The following PPM1L variants were observed in gnomAD, a reference collection of about 807,000 sequenced individuals.
PPM1L encodes the protein protein phosphatase, Mg2+/Mn2+ dependent 1L.
PPM1L carries 13 observed loss-of-function variants against 31.4 expected under a neutral mutation model. The ratio of observed to expected loss-of-function variants is 0.41; its 90% CI spans 0.27 to 0.66. The LOEUF (loss-of-function observed/expected upper bound fraction) is 0.66, where lower values mean the gene tolerates loss of function less well. Among genes scored for constraint, PPM1L ranks in the 30% least tolerant of loss-of-function variants. The probability of loss-of-function intolerance (pLI) is 0.29; values close to 1 mark genes in which losing one functional copy is unlikely to be tolerated. For missense variants in PPM1L, 326 were observed against 453.7 expected (o/e 0.72, Z 2.56); for synonymous variants, 184 against 175.4 (o/e 1.05, Z -0.39).
At chr3:160,855,338 C>A (rs1179066721) in intron 1 of PPM1L, among the ~76,000 whole-genome samples, 1 of 152,026 alleles carries the variant, frequency 6.6e-6, no homozygotes, top group Non-Finnish European at 1.5e-5. Flanking sequence ...AATGAAGACA[C>A]CAAAAGTAAT....
intron 2 of PPM1L, among the ~76,000 whole-genome samples, chr3:160,976,793 T>TAG (rs1231129991): frequency 6.6e-6 from 1 of 152,224 alleles, no homozygotes; most frequent in Non-Finnish European, 1.5e-5. Flanking sequence ...GCTAGCGGTC[T>TAG]ATCAGTTTTG....
chr3:161,008,245 T>C (rs539200377), intron 2 of PPM1L, among the ~76,000 whole-genome samples: 11 of 152,316 alleles, frequency 7.2e-5, no homozygotes, highest in Admixed American at 3.9e-4. Context: ...AAGACCGCCA[T>C]TCCAGAGAGG....
intron 2 of PPM1L, among the ~76,000 whole-genome samples, chr3:161,060,314 G>A (rs1576624134): frequency 6.6e-6 from 1 of 152,118 alleles, no homozygotes; most frequent in African/African-American, 2.4e-5. Context: ...TGACAAAAAG[G>A]TTGGCATGTA....
intron 2 of PPM1L, among the ~76,000 whole-genome samples, chr3:160,966,912 G>A (rs1436784622): frequency 2.0e-5 from 3 of 151,990 alleles, no homozygotes; most frequent in Non-Finnish European, 4.4e-5. Flanking sequence ...TTTATATTCT[G>A]TATATAAAAG....
intron 1 of PPM1L, among the ~76,000 whole-genome samples, chr3:160,953,355 G>A (rs548269525): frequency 2.0e-5 from 3 of 152,056 alleles, no homozygotes; most frequent in South Asian, 4.1e-4. Context: ...AAAAAGTGAA[G>A]GAACAAAAAT....
At chr3:160,983,912 G>A (rs748682754) in intron 2 of PPM1L, among the ~76,000 whole-genome samples, 5 of 152,264 alleles carry the variant, frequency 3.3e-5, no homozygotes, top group Admixed American at 2.0e-4. Flanking sequence ...GGGAGTGTAC[G>A]AATAGGGTGT....
chr3:161,008,534 TTTGTC>T, intron 2 of PPM1L, among the ~76,000 whole-genome samples: 1 of 152,308 alleles, frequency 6.6e-6, no homozygotes, highest in South Asian at 2.1e-4. Flanking sequence ...TAATCTGCCT[TTTGTC>T]TGCTGGTTTT....
intron 2 of PPM1L, among the ~76,000 whole-genome samples, chr3:161,012,644 G>C (rs1717934328): frequency 6.6e-6 from 1 of 151,672 alleles, no homozygotes; most frequent in Non-Finnish European, 1.5e-5. Context: ...AATCCATCTG[G>C]TCCTGGACTC....
intron 1 of PPM1L, among the ~76,000 whole-genome samples, chr3:160,905,735 A>G (rs542221326): frequency 6.6e-6 from 1 of 152,300 alleles, no homozygotes; most frequent in East Asian, 1.9e-4. Context: ...ATCTTTCATT[A>G]GTTCTTTCCC....
chr3:160,869,347 C>A (rs1217805724), intron 1 of PPM1L, among the ~76,000 whole-genome samples: 1 of 152,120 alleles, frequency 6.6e-6, no homozygotes, highest in Non-Finnish European at 1.5e-5. Flanking sequence ...TTCCTGCCTC[C>A]TCTTTTGTAA....
chr3:160,780,326 A>G (rs569319869), intron 1 of PPM1L, among the ~76,000 whole-genome samples: 2 of 152,354 alleles, frequency 1.3e-5, no homozygotes, highest in East Asian at 1.9e-4. Flanking sequence ...TAATGCCATT[A>G]TAACAAAATT....
chr3:160,757,405 C>T (rs948178370), intron 1 of PPM1L, among the ~76,000 whole-genome samples: 5 of 152,260 alleles, frequency 3.3e-5, no homozygotes, highest in Non-Finnish European at 5.9e-5. Flanking sequence ...GTGCTTTGAC[C>T]TCACCCTTGC....
At chr3:160,874,929 A>G (rs528745020) in intron 1 of PPM1L, among the ~76,000 whole-genome samples, 2 of 152,288 alleles carry the variant, frequency 1.3e-5, no homozygotes, top group East Asian at 3.9e-4. Context: ...CAGACATGTG[A>G]TCAAGCAAGC....
chr3:160,910,220 CCCTTT>C (rs1328013820), intron 1 of PPM1L, among the ~76,000 whole-genome samples: 1 of 118,438 alleles, frequency 8.4e-6, no homozygotes. Flanking sequence ...TTTCCCCTTC[CCCTTT>C]CCTTTCCCCT....
At chr3:161,046,600 T>G (rs2108094224) in intron 2 of PPM1L, among the ~76,000 whole-genome samples, 1 of 152,294 alleles carries the variant, frequency 6.6e-6, no homozygotes, top group South Asian at 2.1e-4. Context: ...GAGGCCAGCA[T>G]CATCCTGATA....
intron 2 of PPM1L, among the ~76,000 whole-genome samples, chr3:161,009,627 A>T (rs962007699): frequency 3.9e-5 from 6 of 152,160 alleles, no homozygotes; most frequent in Admixed American, 2.6e-4. Context: ...TTGTTATTGC[A>T]TCTCCCTCCC....
chr3:160,806,900 GAGAA>G (rs987950836), intron 1 of PPM1L, among the ~76,000 whole-genome samples: 11 of 147,524 alleles, frequency 7.5e-5, no homozygotes, highest in South Asian at 2.2e-4. Flanking sequence ...GAAAGAGAGA[GAGAA>G]AGAAAGAGAA....
chr3:160,982,548 G>A (rs765225585), intron 2 of PPM1L, among the ~76,000 whole-genome samples: 59 of 151,932 alleles, frequency 3.9e-4, no homozygotes, highest in Non-Finnish European at 7.8e-4. Flanking sequence ...TTTTTAAATG[G>A]ATGAGTAAAG....
intron 2 of PPM1L, among the ~76,000 whole-genome samples, chr3:161,011,007 GCT>G (rs1717876029): frequency 6.6e-6 from 1 of 152,144 alleles, no homozygotes; most frequent in Non-Finnish European, 1.5e-5. Context: ...CTGTACAGAA[GCT>G]CTTTAGTGTA....
Sources: allele counts gnomAD v4.1 joint callset (sites outside exome capture counted in the v4.1 genomes callset), GRCh38; gene constraint gnomAD v4.1.1; transcripts MANE v1.5; gene names NCBI Gene and HGNC (gene_info 2026-07-23, HGNC 2026-07-21).